SIDT1: variants seen among roughly 807,000 people sequenced by gnomAD.
SIDT1 encodes SID1 transmembrane family member 1, also known as SID1 transmembrane family, member 1.
In SIDT1, 101 loss-of-function variants were observed where a neutral mutation model predicts 107.5. That is an observed-to-expected ratio of 0.94 (90% CI 0.80 to 1.11). SIDT1 has a LOEUF of 1.11. SIDT1 is among the 50% of genes least tolerant of loss of function. SIDT1 has a pLI of 0.00. For synonymous variants in SIDT1, 395 were observed against 398.2 expected (o/e 0.99, Z 0.10); for missense variants, 1,076 against 1,058.2 (o/e 1.02, Z -0.23).
chr3:113,594,651 G>T (rs1208259940), intron 10 of SIDT1, among the ~76,000 whole-genome samples: 1 of 152,130 alleles, frequency 6.6e-6, no homozygotes, highest in Non-Finnish European at 1.5e-5. Flanking sequence ...CCAGGTTCAG[G>T]GAGGCTCTGA....
intron 23 of SIDT1, among the ~76,000 whole-genome samples, chr3:113,624,296 A>G (rs1475382222): frequency 6.6e-6 from 1 of 152,156 alleles, no homozygotes; most frequent in Non-Finnish European, 1.5e-5. Context: ...CAACTACTAA[A>G]TCTACCTTTT....
At chr3:113,626,639 C>T (rs1243289517) in intron 24 of SIDT1, among the ~76,000 whole-genome samples, 9 of 152,126 alleles carry the variant, frequency 5.9e-5, no homozygotes. Context: ...TTTACATATT[C>T]CTTAAGTGGC....
At chr3:113,611,775 C>T (rs1025368852) in intron 18 of SIDT1, among the ~76,000 whole-genome samples, 3 of 152,288 alleles carry the variant, frequency 2.0e-5, no homozygotes, top group South Asian at 2.1e-4. Flanking sequence ...CTTCTAAATA[C>T]GCATGGGAAA....
chr3:113,586,736 A>T (rs1031548913), intron 9 of SIDT1, among the ~76,000 whole-genome samples: 7 of 152,200 alleles, frequency 4.6e-5, no homozygotes, highest in African/African-American at 1.7e-4. Flanking sequence ...GTGCCTCCAG[A>T]TGTGACACTC....
intron 2 of SIDT1, 56 bp from the exon 3 acceptor site, chr3:113,567,484 C>T: frequency 7.0e-7 from 1 of 1,423,072 alleles, no homozygotes; most frequent in Non-Finnish European, 9.6e-7. Context: ...CCTGCTCATT[C>T]ACTGAGTCCC....
chr3:113,551,824 GGTGTGTGTGTGT>G lies in SIDT1; in HGVS notation c.223-14577_223-14566del, dbSNP rs56860179. On this transcript the variant is annotated intron_variant, in intron 1 of 24. Transcript: ENST00000264852. The stretch of plus-strand genomic sequence containing the variant: ...TGGATCCCGGGGGTAAAGTTTTAGG[GGTGTGTGTGTGT>G]GTGTGTGTGTGTGTGTGTAGTGTGT... Among the ~76,000 whole-genome samples the G allele has an allele frequency of 4.1e-5, 6 of 147,222 alleles. No individual in the cohort carries two copies. In the East Asian group the frequency reaches 6.0e-4, roughly 15 times the overall value.
downstream of SIDT1, among the ~76,000 whole-genome samples, chr3:113,634,356 A>G (rs915610165): frequency 2.0e-5 from 3 of 152,310 alleles, no homozygotes; most frequent in Non-Finnish European, 4.4e-5. Flanking sequence ...ATAACTGGTC[A>G]TTAAAACAGC....
chr3:113,534,639 G>A (rs1407223753), intron 1 of SIDT1, among the ~76,000 whole-genome samples: 1 of 152,214 alleles, frequency 6.6e-6, no homozygotes, highest in Admixed American at 6.5e-5. Context: ...TGCACGTGAG[G>A]TGTGTTCCTA....
intron 4 of SIDT1, 24 bp downstream of exon 4, chr3:113,576,991 T>A: frequency 1.2e-6 from 2 of 1,611,980 alleles, no homozygotes; most frequent in Non-Finnish European, 1.7e-6. Flanking sequence ...TTCCAAGAGT[T>A]ATCAACATCC....
chr3:113,614,923 A>G lies in SIDT1; in HGVS notation c.1967-1177A>G, dbSNP rs970873168. The G allele has an allele frequency of 1.9e-5, 15 of 799,220 alleles. No individual in the cohort carries two copies. The African/African-American group carries it at 2.6e-4, about 14-fold the overall frequency. The allele number at this position is 799,220 out of a possible 1,614,324, so 49.5% of individuals were successfully genotyped here. A position where few individuals can be genotyped will look rare whatever the true frequency, so the allele number is the denominator to read the frequency against. ...CCTATGTTCTCTTTGACAAGTAAGC[A>G]TTACTTTTATAATCAGAAAGCAAAA... On this transcript the variant is annotated intron_variant, in intron 19 of 24. Coordinates refer to ENST00000264852, the MANE Select transcript of SIDT1 (RefSeq NM_017699.3).
downstream of SIDT1, among the ~76,000 whole-genome samples, chr3:113,630,894 G>A (rs1017231217): frequency 2.0e-5 from 3 of 152,096 alleles, no homozygotes; most frequent in African/African-American, 7.2e-5. Flanking sequence ...TCTCCTCCAG[G>A]GGCTCTTCAT....
At chr3:113,594,248 C>T (rs931559719) in intron 10 of SIDT1, among the ~76,000 whole-genome samples, 32 of 152,160 alleles carry the variant, frequency 2.1e-4, no homozygotes, top group African/African-American at 7.0e-4. Context: ...GCCACCCAAG[C>T]ACTTTGTTTT....
chr3:113,583,602 C>G (rs954807998), intron 7 of SIDT1, 106 bp downstream of exon 7: 4 of 729,974 alleles, frequency 5.5e-6, no homozygotes, highest in Non-Finnish European at 8.7e-6. Flanking sequence ...AGGGTTGGTT[C>G]CATCATCATG....
In SIDT1 at chr3:113,533,009, C is replaced by G. The variant is rs1213060778; in HGVS notation, c.-13C>G. 7 of 1,347,256 alleles carry G rather than the reference C, an allele frequency of 5.2e-6. No homozygotes were observed. Among genetic ancestry groups the G allele is most frequent in the Admixed American group, 8.1e-5 (2 of 24,784 alleles). The allele number at this position is 1,347,256 out of a possible 1,614,324, so 83.5% of individuals were successfully genotyped here. On this transcript the variant is annotated 5_prime_UTR_variant, in exon 1 of 25. Transcript: ENST00000264852. The stretch of plus-strand genomic sequence containing the variant: ...GGGTGGCTCCGCTTTCGAGCCCGGG[C>G]GCGGTGCCCACCATGCGCGGCTGCC...
At chr3:113,544,436 C>A (rs1939337505) in intron 1 of SIDT1, among the ~76,000 whole-genome samples, 2 of 152,170 alleles carry the variant, frequency 1.3e-5, no homozygotes, top group South Asian at 4.1e-4. Flanking sequence ...GTGATCCACC[C>A]AGCTCGGCCT....
At position 113,566,338 on chromosome 3, in the gene SIDT1, T is replaced by TTGTGTGTGTG. The variant is rs55802002; in HGVS notation, c.223-64_223-55dup. 536 of 1,099,416 alleles carry TTGTGTGTGTG rather than the reference T, an allele frequency of 4.9e-4. No homozygotes were observed. The African/African-American group carries it at 7.9e-3, about 16-fold the overall frequency. The allele number at this position is 1,099,416 out of a possible 1,614,324, so 68.1% of individuals were successfully genotyped here. A position where few individuals can be genotyped will look rare whatever the true frequency, so the allele number is the denominator to read the frequency against. On this transcript the variant is annotated intron_variant, in intron 1 of 24. Transcript: ENST00000264852. ...CTATGGTGTGTGTGTTTGTGTGTGT[T>TTGTGTGTGTG]TGTGTGTGTGTGTGTGTGTGTGTGT...
intron 2 of SIDT1, 90 bp from the exon 3 acceptor site, chr3:113,567,450 A>T: frequency 1.8e-6 from 2 of 1,105,830 alleles, no homozygotes; most frequent in Non-Finnish European, 2.6e-6. Context: ...TTTGGAGAGA[A>T]GCAAAATGAG....
intron 3 of SIDT1, among the ~76,000 whole-genome samples, chr3:113,574,212 A>G (rs1560058046): frequency 1.3e-5 from 2 of 152,244 alleles, no homozygotes; most frequent in Non-Finnish European, 2.9e-5. Flanking sequence ...AGAGAATGAT[A>G]GAAAGAATGA....
intron 1 of SIDT1, among the ~76,000 whole-genome samples, chr3:113,560,881 C>T (rs1362371659): frequency 6.6e-6 from 1 of 152,166 alleles, no homozygotes; most frequent in Non-Finnish European, 1.5e-5. Context: ...AAGAGAGTCT[C>T]TAAGCTTTAA....
Sources: allele counts gnomAD v4.1 joint callset (sites outside exome capture counted in the v4.1 genomes callset), GRCh38; gene constraint gnomAD v4.1.1; transcripts MANE v1.5; gene names NCBI Gene and HGNC (gene_info 2026-07-23, HGNC 2026-07-21).